ERBIN: variants seen among roughly 807,000 people sequenced by gnomAD.
The protein encoded by ERBIN is erbb2 interacting protein.
In ERBIN, 60 loss-of-function variants were observed where a neutral mutation model predicts 158.4. The observed-to-expected ratio is 0.38, with a 90% CI of 0.31 to 0.47. The LOEUF (loss-of-function observed/expected upper bound fraction) is 0.47. Ranked by LOEUF, ERBIN falls within the 20% of genes least tolerant of loss-of-function variation. The pLI is 0.99. For synonymous variants in ERBIN, 594 were observed against 557.2 expected, an observed-to-expected ratio of 1.07 and a Z score of -0.93; for missense variants, 1,610 against 1,648.0, an observed-to-expected ratio of 0.98 and a Z score of 0.40.
At chr5:65,942,140 A>G (rs1745132337) in intron 1 of ERBIN, among the ~76,000 whole-genome samples, 2 of 152,220 alleles carry the variant, frequency 1.3e-5, no homozygotes, top group South Asian at 2.1e-4. Context: ...ATCACTGTAA[A>G]TGACTAGTCT....
intron 21 of ERBIN, among the ~76,000 whole-genome samples, chr5:66,062,834 A>C (rs1760562932): frequency 6.6e-6 from 1 of 152,204 alleles, no homozygotes; most frequent in African/African-American, 2.4e-5. Context: ...GGGTATCAGC[A>C]GCACTGGCTG....
intron 3 of ERBIN, among the ~76,000 whole-genome samples, chr5:65,993,171 A>G (rs1486358840): frequency 6.6e-6 from 1 of 152,182 alleles, no homozygotes; most frequent in Non-Finnish European, 1.5e-5. Flanking sequence ...CATTAAGGTA[A>G]ATAATGAGAC....
chr5:66,075,079 G>C lies in ERBIN; in HGVS notation c.3812G>C (p.Ser1271Thr). Reference sequence around the variant, plus strand: ...CCTCTCAGGCCTCAGGCAAATTATAGTCAAATACATCACCCCCCTCAGGCA... The same window carrying C: ...CCTCTCAGGCCTCAGGCAAATTATACTCAAATACATCACCCCCCTCAGGCA... Reference protein sequence around the residue: ...GQPLRPQANYSQIHHPPQASV... With the variant: ...GQPLRPQANYTQIHHPPQASV... The change falls in exon 23 of 26, where the codon AGT (serine) becomes ACT (threonine). Residue 1271 changes from serine to threonine, a missense_variant. Physicochemically the swap from Ser to Thr is moderately conservative, Grantham distance 58 (BLOSUM62 1). This residue lies in a region of ERBIN where 1,014 missense variants were observed against 936.1 expected (regional missense o/e 1.08). Transcript: ENST00000284037. 6.2e-7 allele frequency: 1 copy of C among 1,614,114 alleles called. No homozygotes were observed. Among genetic ancestry groups the C allele is most frequent in the Non-Finnish European group, 8.5e-7 (1 of 1,180,014 alleles).
At chr5:66,015,710 A>G (rs1344788752) in intron 7 of ERBIN, among the ~76,000 whole-genome samples, 1 of 152,110 alleles carries the variant, frequency 6.6e-6, no homozygotes, top group East Asian at 1.9e-4. Context: ...AGCAGCATGT[A>G]ACTATAGTCC....
chr5:65,961,068 A>G (rs1056677370), intron 1 of ERBIN: 2 of 152,250 alleles, frequency 1.3e-5, no homozygotes, highest in Non-Finnish European at 2.9e-5. Flanking sequence ...AAAATTTTAA[A>G]CATTTGATTA....
In ERBIN at chr5:65,992,739, G is replaced by A. The variant is rs560323361; in HGVS notation, c.21G>A (p.Leu7=). The A allele has an allele frequency of 1.3e-6, 2 of 1,594,090 alleles. No individual in the cohort carries two copies. The highest frequency in any genetic ancestry group is 2.7e-5 in the African/African-American group (2 of 73,772). The change falls in exon 3 of 26, where the codon TTG becomes TTA. Residue 7 remains leucine (L), a synonymous_variant. Transcript: ENST00000284037. ...TAAAAATGACTACAAAACGAAGTTT[G>A]TTTGTGCGGTTGGTACCATGTCGCT... MTTKRS[L]FVRLVPCRCL...
rs200876528 is a variant in ERBIN, at chr5:66,053,418, A to G, written c.2100A>G (p.Glu700=). 3.1e-5 allele frequency: 45 copies of G among 1,460,996 alleles called. No individual in the cohort carries two copies. The African/African-American group carries it at 5.2e-4, about 17-fold the overall frequency. The allele number at this position is 1,460,996 out of a possible 1,614,324, so 90.5% of individuals were successfully genotyped here. A position where few individuals can be genotyped will look rare whatever the true frequency, so the allele number is the denominator to read the frequency against. Residue 700 remains glutamate (E), a synonymous_variant, in exon 21 of 26, where the codon GAA becomes GAG. Coordinates refer to ENST00000284037, the MANE Select transcript of ERBIN (RefSeq NM_001253697.2). The part of the protein sequence containing the change: ...DINSKIRQED[E]NFNSLLQNGD... ...ATCTTTATTTTAGGCAAGAAGATGA[A>G]AATTTTAACAGCCTTTTACAAAATG...
chr5:65,990,586 C>T (rs984538977), intron 2 of ERBIN, among the ~76,000 whole-genome samples: 1 of 151,424 alleles, frequency 6.6e-6, no homozygotes, highest in African/African-American at 2.4e-5. Flanking sequence ...TGAACCCGGG[C>T]AGCGGAGCTT....
intron 1 of ERBIN, among the ~76,000 whole-genome samples, chr5:65,964,741 CTTTTTTT>C (rs70987103): frequency 1.7e-5 from 2 of 119,468 alleles, no homozygotes; most frequent in East Asian, 2.4e-4. Flanking sequence ...CCAGAGCAAT[CTTTTTTT>C]TTTTTTTTTT....
chr5:66,047,732 T>TA (rs1197941334), intron 18 of ERBIN, among the ~76,000 whole-genome samples: 3 of 151,924 alleles, frequency 2.0e-5, no homozygotes, highest in Admixed American at 2.0e-4. Flanking sequence ...AATAATTTTT[T>TA]AAAAAAAGGA....
At chr5:66,017,409 T>G (rs1754880308) in intron 7 of ERBIN, among the ~76,000 whole-genome samples, 1 of 152,112 alleles carries the variant, frequency 6.6e-6, no homozygotes, top group Non-Finnish European at 1.5e-5. Context: ...GATATTTCAT[T>G]GTAGTTTTCT....
At chr5:65,955,198 T>C (rs1746955466) in intron 1 of ERBIN, among the ~76,000 whole-genome samples, 1 of 152,212 alleles carries the variant, frequency 6.6e-6, no homozygotes, top group South Asian at 2.1e-4. Context: ...AAGAAAATTA[T>C]GCTAGCACAT....
At chr5:66,025,455 T>C in intron 10 of ERBIN, 25 bp from the exon 11 acceptor site, 1 of 1,568,770 alleles carries the variant, frequency 6.4e-7, no homozygotes. Flanking sequence ...GCTGAAAAAT[T>C]GTATGTTGTT....
intron 21 of ERBIN, among the ~76,000 whole-genome samples, chr5:66,062,724 G>T (rs1420657183): frequency 6.6e-6 from 1 of 152,088 alleles, no homozygotes; most frequent in Non-Finnish European, 1.5e-5. Context: ...TTTTGGTGTG[G>T]ATGTCCTTTC....
At chr5:66,051,118 A>G (rs924621873) in intron 20 of ERBIN, 152 bp downstream of exon 20, 2 of 525,360 alleles carry the variant, frequency 3.8e-6, no homozygotes, top group Non-Finnish European at 3.2e-6. Flanking sequence ...CTGATTTTCC[A>G]TTTAGTTTTT....
At position 66,054,830 on chromosome 5, in the gene ERBIN, A is replaced by G. The variant is rs761201750; in HGVS notation, c.3512A>G (p.Lys1171Arg). The change falls in exon 21 of 26, where the codon AAA becomes AGA. Residue 1171 changes from lysine to arginine, a missense_variant. Transcript: ENST00000284037. Reference protein sequence around the residue: ...DFNYSRTSPSKRPNARVGSEH... With the variant: ...DFNYSRTSPSRRPNARVGSEH... ...AATTATTCACGGACTAGTCCTTCAA[A>G]AAGACCAAATGCAAGGGTTGGTTCT... 12 of 1,614,176 alleles carry G rather than the reference A, an allele frequency of 7.4e-6. No individual in the cohort carries two copies.
rs539421792 is a variant in ERBIN, at chr5:66,069,904, C to A, written c.3634-2265C>A. Among the ~76,000 whole-genome samples, 7 of 152,284 alleles carry A rather than the reference C, an allele frequency of 4.6e-5. No homozygotes were observed. In the East Asian group the frequency reaches 9.6e-4, roughly 21 times the overall value. ...TGGTGTTACAGAATAGGAGCAATCTCCTGGATTCTCTTGGCTCTGGCTGTA... is the reference window on the plus strand; with the variant it reads ...TGGTGTTACAGAATAGGAGCAATCTACTGGATTCTCTTGGCTCTGGCTGTA... On this transcript the variant is annotated intron_variant, in intron 21 of 25. Coordinates refer to ENST00000284037, the MANE Select transcript of ERBIN (RefSeq NM_001253697.2).
At chr5:65,989,957 T>TA (rs1296964878) in intron 2 of ERBIN, among the ~76,000 whole-genome samples, 5 of 152,220 alleles carry the variant, frequency 3.3e-5, no homozygotes, top group Admixed American at 3.3e-4. Context: ...AGCACATAGG[T>TA]AAAATCTAAA....
intron 1 of ERBIN, among the ~76,000 whole-genome samples, chr5:65,928,966 A>G (rs995841154): frequency 6.6e-6 from 1 of 152,196 alleles, no homozygotes; most frequent in South Asian, 2.1e-4. Flanking sequence ...AGTACTTCCA[A>G]AGTCTATATT....
Sources: gnomAD v4.1 joint callset for allele counts (sites outside exome capture counted in the v4.1 genomes callset) on GRCh38, gnomAD v4.1.1 for gene constraint, gnomAD v4.1.1 regional missense constraint, MANE v1.5 for transcripts, NCBI Gene and HGNC (gene_info 2026-07-23, HGNC 2026-07-21) for gene names.